The following EML2 variants were observed in gnomAD, a reference collection of about 807,000 sequenced individuals.
EML2 encodes the protein EMAP like 2, also known as echinoderm microtubule-associated protein-like 2.
Under a neutral mutation model 84.7 loss-of-function variants are expected in EML2, and 59 were observed. That is an observed-to-expected ratio of 0.70 (90% CI 0.56 to 0.86). EML2 has a LOEUF of 0.86. Ranked by LOEUF, EML2 falls within the 40% of genes least tolerant of loss-of-function variation. The probability of loss-of-function intolerance (pLI) is 0.00; values close to 1 mark genes in which losing one functional copy is unlikely to be tolerated. For synonymous variants in EML2, 352 were observed against 348.9 expected (o/e 1.01, Z -0.10); for missense variants, 818 against 855.6 (o/e 0.96, Z 0.55).
At chr19:45,621,396 T>C (rs1209924411) in intron 10 of EML2, 64 bp from the exon 11 acceptor site, 3 of 1,572,424 alleles carry the variant, frequency 1.9e-6, no homozygotes, top group African/African-American at 2.7e-5. Flanking sequence ...GGTGACATAC[T>C]GTGGGGAGGA....
Position 45,620,965 on chromosome 19 carries a change from C to T in EML2, c.1122+242G>A, listed in dbSNP as rs1444159162. ...CACTCACCAACCTGAAGGGTGCCAC[C>T]CCCAATCAGAGTGGCAGGAGGCAGC... is the stretch of plus-strand genomic sequence containing the variant. On this transcript the variant is annotated intron_variant, in intron 11 of 18. Transcript: ENST00000245925. 4.8e-6 allele frequency: 3 copies of T among 630,846 alleles called. No homozygotes were observed. The Admixed American group carries it at 6.4e-5, about 13-fold the overall frequency. The allele number at this position is 630,846 out of a possible 1,614,324, so 39.1% of individuals were successfully genotyped here. A position where few individuals can be genotyped will look rare whatever the true frequency, so the allele number is the denominator to read the frequency against.
chr19:45,628,790 T>G (rs929326682), intron 7 of EML2: 2 of 152,186 alleles, frequency 1.3e-5, no homozygotes, highest in African/African-American at 4.8e-5. Context: ...GCCATTGCAC[T>G]CCAGCCTAGG....
At chr19:45,612,369 T>C (rs1056875279) in intron 18 of EML2, among the ~76,000 whole-genome samples, 2 of 152,228 alleles carry the variant, frequency 1.3e-5, no homozygotes, top group Non-Finnish European at 1.5e-5. Flanking sequence ...CGGCCACATA[T>C]GCAGTTTCTT....
chr19:45,638,898 A>G (rs1188725552), intron 1 of EML2, 25 bp from the exon 2 acceptor site: 1 of 1,613,802 alleles, frequency 6.2e-7, no homozygotes. Context: ...CAAAGAAAAA[A>G]AAAGGGTCTT....
At chr19:45,645,445 C>G (rs1416039061), upstream of EML2, 1 of 1,424,744 alleles carries the variant, frequency 7.0e-7, no homozygotes, top group South Asian at 1.5e-5. Flanking sequence ...GTTCCAGCAT[C>G]CCCAGCTCAG....
rs5828242 is a variant in EML2, at chr19:45,626,960, CTTTTTT to C, written c.607-127_607-122del. 7.7e-3 allele frequency: 4,043 copies of C among 527,956 alleles called. 13 individuals are homozygous for C. The highest frequency in any genetic ancestry group is 9.8e-3 in the Non-Finnish European group (3,533 of 359,822). The allele number at this position is 527,956 out of a possible 1,614,324, so 32.7% of individuals were successfully genotyped here. ...TTGTATGCTGCACACCTGAACTTTT[CTTTTTT>C]TTTTTTTTTTCAGGGCAGAGTCTCA... is the stretch of plus-strand genomic sequence containing the variant. On this transcript the variant is annotated intron_variant, in intron 7 of 18. Transcript: ENST00000245925.
intron 9 of EML2, among the ~76,000 whole-genome samples, chr19:45,622,555 G>A (rs190705500): frequency 2.2e-4 from 34 of 152,060 alleles, no homozygotes; most frequent in South Asian, 2.1e-4. Context: ...CTCAGCCTCT[G>A]GAGTAGCTGG....
intron 6 of EML2, among the ~76,000 whole-genome samples, chr19:45,631,658 T>C (rs1973046878): frequency 6.6e-6 from 1 of 152,066 alleles, no homozygotes; most frequent in Admixed American, 6.6e-5. Flanking sequence ...TCCACCCATC[T>C]TGGCCTCCCA....
rs762909126 is a variant in EML2, at chr19:45,621,573, G to A, written c.906C>T (p.Ala302=). The A allele has an allele frequency of 5.6e-6, 9 of 1,612,438 alleles. No individual in the cohort carries two copies. The East Asian group carries it at 1.6e-4, about 28-fold the overall frequency. The change falls in exon 10 of 19, where the codon GCC becomes GCT. Residue 302 remains alanine, a synonymous_variant. Coordinates refer to ENST00000245925, the MANE Select transcript of EML2 (RefSeq NM_012155.4). The stretch of plus-strand genomic sequence containing the variant: ...CAGACACCAGCGTCCCGTCCCGCAG[G>A]GCGCAGAGCCCAAACACGCCGCCGT... ...AHDGGVFGLC[A]LRDGTLVSGG...
Position 45,637,662 on chromosome 19 carries a change from C to CTTTTTTT in EML2, c.179+842_179+843insAAAAAAA, listed in dbSNP as rs1206550438. 2.4e-4 allele frequency among the ~76,000 whole-genome samples: 11 copies of CTTTTTTT among 45,784 alleles called. No individual in the cohort carries two copies. The East Asian group carries it at 3.1e-3, about 13-fold the overall frequency. 30.0% of individuals were successfully genotyped at this position (45,784 alleles called of 152,430 possible). On this transcript the variant is annotated intron_variant, in intron 3 of 18. Coordinates refer to ENST00000245925, the MANE Select transcript of EML2 (RefSeq NM_012155.4). ...GGCTGGCTATTTTTTTTTTCTTTTTCTTTTCTTTTTTTTTTTTTTTTTTTT... is the reference window on the plus strand; with the variant it reads ...GGCTGGCTATTTTTTTTTTCTTTTTCTTTTTTTTTTTCTTTTTTTTTTTTTTTTTTTT...
chr19:45,642,419 G>A (rs749899635), upstream of EML2: 4 of 1,487,844 alleles, frequency 2.7e-6, no homozygotes, highest in South Asian at 2.6e-5. Context: ...GGTCCCTCCC[G>A]CCTTCCTGGG....
intron 16 of EML2, among the ~76,000 whole-genome samples, chr19:45,615,556 T>TAATAATAATA (rs1568435464): frequency 6.0e-5 from 7 of 115,894 alleles, no homozygotes; most frequent in Non-Finnish European, 1.2e-4. Context: ...TAATAATAAT[T>TAATAATAATA]AAAAATTTAA....
rs182889975 is a variant in EML2 at position 45,609,845 on chromosome 19, C to T, written c.1825-57G>A. On this transcript the variant is annotated intron_variant, in intron 18 of 18. Coordinates refer to ENST00000245925, the MANE Select transcript of EML2 (RefSeq NM_012155.4). ...GTCAGTGGGGACAATGCCACCCCAT[C>T]ATGGTCCTCTTGTCTTGACCCGGTT... is the stretch of plus-strand genomic sequence containing the variant. The T allele has an allele frequency of 2.5e-6, 4 of 1,580,200 alleles. No homozygotes were observed. The East Asian group carries it at 9.1e-5, about 36-fold the overall frequency.
intron 7 of EML2, 120 bp from the exon 8 acceptor site, chr19:45,626,959 T>A: frequency 1.2e-6 from 1 of 830,408 alleles, no homozygotes. Context: ...CCTGAACTTT[T>A]CTTTTTTTTT....
At chr19:45,610,154 T>C (rs1970338729) in intron 18 of EML2, among the ~76,000 whole-genome samples, 1 of 151,990 alleles carries the variant, frequency 6.6e-6, no homozygotes, top group Non-Finnish European at 1.5e-5. Flanking sequence ...TCCCAGCACT[T>C]TGGGAGGCCG....
chr19:45,624,792 C>T lies in EML2; in HGVS notation c.768G>A (p.Leu256=). ...CGCCACCTTCCAAAAAGGTCACACA[C>T]AGCACATACTTCGGTTTCTCATGTT... ...FEKHEKPKYV[L]CVTFLEGGDV... The change falls in exon 9 of 19, where the codon CTG becomes CTA. Residue 256 remains leucine (L), a synonymous_variant. Coordinates refer to ENST00000245925, the MANE Select transcript of EML2 (RefSeq NM_012155.4). 6.2e-7 allele frequency: 1 copy of T among 1,613,682 alleles called. No individual in the cohort carries two copies. The highest frequency in any genetic ancestry group is 8.5e-7 in the Non-Finnish European group (1 of 1,179,806).
At chr19:45,642,061 G>A (rs1324025558), upstream of EML2, 4 of 1,444,688 alleles carry the variant, frequency 2.8e-6, no homozygotes, top group Non-Finnish European at 3.6e-6. Context: ...TGGGGTTAGG[G>A]GACAGAAGAG....
At chr19:45,620,385 A>G (rs1395970232) in intron 11 of EML2, among the ~76,000 whole-genome samples, 1 of 152,066 alleles carries the variant, frequency 6.6e-6, no homozygotes, top group African/African-American at 2.4e-5. Context: ...AAGTAATATT[A>G]ATATTATGAT....
At chr19:45,633,961 A>T (rs2122766069) in intron 4 of EML2, among the ~76,000 whole-genome samples, 1 of 152,068 alleles carries the variant, frequency 6.6e-6, no homozygotes, top group South Asian at 2.1e-4. Flanking sequence ...CACTGTCTGA[A>T]TTTTTTTTGA....
Sources: gnomAD v4.1 joint callset for allele counts (sites outside exome capture counted in the v4.1 genomes callset) on GRCh38, gnomAD v4.1.1 for gene constraint, MANE v1.5 for transcripts, NCBI Gene and HGNC (gene_info 2026-07-23, HGNC 2026-07-21) for gene names.